MYO3B: variants seen among roughly 807,000 people sequenced by gnomAD.
MYO3B encodes myosin IIIB.
Under a neutral mutation model 174.6 loss-of-function variants are expected in MYO3B, and 156 were observed. The observed-to-expected ratio is 0.89, with a 90% confidence interval of 0.78 to 1.02. The LOEUF is 1.02. MYO3B is among the 50% of genes least tolerant of loss of function. The pLI, the probability that MYO3B is intolerant of heterozygous loss-of-function variation, is 0.00. For synonymous variants in MYO3B, 563 were observed against 569.1 expected (o/e 0.99, Z 0.15); for missense variants, 1,632 against 1,639.4 (o/e 1.00, Z 0.08).
At chr2:170,274,457 G>A (rs2093448651) in intron 7 of MYO3B, among the ~76,000 whole-genome samples, 1 of 152,196 alleles carries the variant, frequency 6.6e-6, no homozygotes. Context: ...TACTCACTGT[G>A]TTCTCAGTTC....
rs536043696 is a variant in MYO3B at position 170,408,345 on chromosome 2, G to A, written c.2650+501G>A. ...CTCTCTCCTAACCAATTTGGAACAG[G>A]TCCATCACCTATGTATGTGGCCTTT... On this transcript the variant is annotated intron_variant, in intron 22 of 34. Transcript: ENST00000408978. 3.0e-4 allele frequency among the ~76,000 whole-genome samples: 45 copies of A among 152,298 alleles called. 2 individuals are homozygous for A. The South Asian group carries it at 8.7e-3, about 29-fold the overall frequency.
At chr2:170,587,845 G>A (rs1693581126) in intron 32 of MYO3B, among the ~76,000 whole-genome samples, 1 of 152,194 alleles carries the variant, frequency 6.6e-6, no homozygotes, top group Non-Finnish European at 1.5e-5. Context: ...CACTGAATCT[G>A]TGAGTGCTGA....
At chr2:170,493,087 G>T (rs1213400943) in intron 25 of MYO3B, among the ~76,000 whole-genome samples, 3 of 152,198 alleles carry the variant, frequency 2.0e-5, no homozygotes, top group African/African-American at 7.2e-5. Context: ...AACCACCGTT[G>T]TTTTGATGAG....
At chr2:170,581,823 T>C (rs1219171888) in intron 32 of MYO3B, among the ~76,000 whole-genome samples, 1 of 152,196 alleles carries the variant, frequency 6.6e-6, no homozygotes, top group African/African-American at 2.4e-5. Context: ...CATCACACTT[T>C]TGATGATGAT....
Position 170,329,255 on chromosome 2 carries a change from G to A in MYO3B, c.750-6130G>A, listed in dbSNP as rs74171298. Among the ~76,000 whole-genome samples the A allele has an allele frequency of 1.3e-3, 151 of 115,530 alleles. No homozygotes were observed. In the Middle Eastern group the frequency reaches 0.014, roughly 11 times the overall value. 75.8% of individuals were successfully genotyped at this position (115,530 alleles called of 152,430 possible). On this transcript the variant is annotated intron_variant, in intron 7 of 34. Coordinates refer to ENST00000408978, the MANE Select transcript of MYO3B (RefSeq NM_138995.5). Reference sequence around the variant, plus strand: ...AGTGTGTGTGTGTGTGTGTGTGTGTGTGTGTATATATATAAAATATTTATA... The same window carrying A: ...AGTGTGTGTGTGTGTGTGTGTGTGTATGTGTATATATATAAAATATTTATA...
chr2:170,559,594 T>C (rs1049557571), intron 32 of MYO3B, among the ~76,000 whole-genome samples: 3 of 152,158 alleles, frequency 2.0e-5, no homozygotes, highest in African/African-American at 7.2e-5. Flanking sequence ...AGAACAGATA[T>C]ATCTCTTATT....
intron 22 of MYO3B, among the ~76,000 whole-genome samples, chr2:170,420,725 A>G (rs1346847136): frequency 6.6e-6 from 1 of 152,194 alleles, no homozygotes; most frequent in African/African-American, 2.4e-5. Flanking sequence ...GACTGAAAAG[A>G]TCATAAGTGC....
chr2:170,555,348 C>G (rs1443789360), intron 32 of MYO3B, among the ~76,000 whole-genome samples: 2 of 152,148 alleles, frequency 1.3e-5, no homozygotes, highest in Admixed American at 1.3e-4. Context: ...TGCGTAATGA[C>G]CTGTATTCAT....
intron 32 of MYO3B, among the ~76,000 whole-genome samples, chr2:170,644,277 T>C (rs1698203391): frequency 6.6e-6 from 1 of 151,980 alleles, no homozygotes; most frequent in African/African-American, 2.4e-5. Context: ...TCTATCTAAC[T>C]GTGTGTCTTT....
chr2:170,402,820 A>T, intron 18 of MYO3B, 28 bp from the exon 19 acceptor site: 2 of 1,575,170 alleles, frequency 1.3e-6, no homozygotes, highest in African/African-American at 2.7e-5. Flanking sequence ...TCCTCCCCTA[A>T]AGAGTTTTGT....
intron 32 of MYO3B, among the ~76,000 whole-genome samples, chr2:170,557,163 G>A (rs1361373648): frequency 1.6e-4 from 22 of 136,464 alleles, no homozygotes; most frequent in Non-Finnish European, 2.8e-4. Flanking sequence ...TTTTTGAGAC[G>A]GAGTCTCGCT....
chr2:170,255,922 A>G (rs1402767474), intron 7 of MYO3B, among the ~76,000 whole-genome samples: 2 of 152,256 alleles, frequency 1.3e-5, no homozygotes, highest in African/African-American at 4.8e-5. Flanking sequence ...GAGTTGGAAG[A>G]TGACATAGCC....
intron 28 of MYO3B, among the ~76,000 whole-genome samples, chr2:170,513,618 T>C (rs749220474): frequency 6.6e-6 from 1 of 152,206 alleles, no homozygotes; most frequent in Non-Finnish European, 1.5e-5. Context: ...GACATGAATT[T>C]TGGGATATCA....
intron 32 of MYO3B, among the ~76,000 whole-genome samples, chr2:170,649,024 T>C (rs1698663694): frequency 1.2e-5 from 1 of 84,300 alleles, no homozygotes; most frequent in South Asian, 4.1e-4. Context: ...ATGTATAATA[T>C]ATAAAATAAT....
intron 7 of MYO3B, among the ~76,000 whole-genome samples, chr2:170,288,729 T>C (rs1250641657): frequency 1.3e-5 from 2 of 152,060 alleles, no homozygotes; most frequent in Non-Finnish European, 2.9e-5. Context: ...TCCTAATTGC[T>C]CTGGCAGGGA....
chr2:170,203,135 A>G (rs1160758471), intron 3 of MYO3B, among the ~76,000 whole-genome samples: 1 of 152,210 alleles, frequency 6.6e-6, no homozygotes, highest in Non-Finnish European at 1.5e-5. Flanking sequence ...TGAATATTAA[A>G]TTTTTAAAAA....
At chr2:170,281,089 T>G (rs962566823) in intron 7 of MYO3B, among the ~76,000 whole-genome samples, 2 of 152,198 alleles carry the variant, frequency 1.3e-5, no homozygotes, top group African/African-American at 2.4e-5. Flanking sequence ...TTAATCATAT[T>G]GATTCTTTCT....
intron 7 of MYO3B, among the ~76,000 whole-genome samples, chr2:170,258,958 C>T (rs902829136): frequency 1.3e-5 from 2 of 152,020 alleles, no homozygotes; most frequent in Admixed American, 6.6e-5. Flanking sequence ...GAACACTGTC[C>T]AATTTACAAT....
intron 7 of MYO3B, among the ~76,000 whole-genome samples, chr2:170,247,668 CTG>C (rs2105323347): frequency 6.6e-6 from 1 of 152,292 alleles, no homozygotes; most frequent in Non-Finnish European, 1.5e-5. Flanking sequence ...GATTTGGTGT[CTG>C]ATGAGGGCTC....
Sources: allele counts gnomAD v4.1 joint callset (sites outside exome capture counted in the v4.1 genomes callset), GRCh38; gene constraint gnomAD v4.1.1; transcripts MANE v1.5; gene names NCBI Gene and HGNC (gene_info 2026-07-23, HGNC 2026-07-21).